UBE4B: variants seen among roughly 807,000 people sequenced by gnomAD.
The protein encoded by UBE4B is ubiquitination factor E4B.
In UBE4B, 27 loss-of-function variants were observed where a neutral mutation model predicts 148.1. That is an observed-to-expected ratio of 0.18 (90% CI 0.13 to 0.25). The LOEUF (loss-of-function observed/expected upper bound fraction) is 0.25, where lower values mean the gene tolerates loss of function less well. UBE4B is among the 10% of genes least tolerant of loss of function. UBE4B has a pLI of 1.00. For synonymous variants in UBE4B, 596 were observed against 619.3 expected (o/e 0.96, Z 0.56); for missense variants, 1,170 against 1,662.4 (o/e 0.70, Z 5.15).
At chr1:10,037,727 G>A (rs967284770) in intron 1 of UBE4B, among the ~76,000 whole-genome samples, 5 of 151,350 alleles carry the variant, frequency 3.3e-5, no homozygotes, top group Admixed American at 3.3e-4. Flanking sequence ...GCCAATTTTT[G>A]TATTTTTTTC....
At chr1:10,173,522 C>A (rs1305965856) in intron 25 of UBE4B, among the ~76,000 whole-genome samples, 5 of 151,394 alleles carry the variant, frequency 3.3e-5, no homozygotes, top group Admixed American at 6.6e-5. Flanking sequence ...CACACACACA[C>A]AAACACTGCT....
intron 8 of UBE4B, among the ~76,000 whole-genome samples, chr1:10,119,102 C>T (rs1021292050): frequency 3.3e-5 from 5 of 151,162 alleles, no homozygotes; most frequent in East Asian, 3.9e-4. Flanking sequence ...AGGATGGCGT[C>T]GATCTCCTGA....
chr1:10,115,659 C>T (rs771315211), intron 7 of UBE4B, among the ~76,000 whole-genome samples: 6 of 152,126 alleles, frequency 3.9e-5, no homozygotes, highest in East Asian at 3.9e-4. Context: ...TGTCCTTTAA[C>T]GAGAGGGATA....
rs115095456 is a variant in UBE4B, at chr1:10,064,623, G to A, written c.25-7405G>A. Among the ~76,000 whole-genome samples the A allele has an allele frequency of 9.9e-3, 1,507 of 152,086 alleles. 27 individuals are homozygous for A. Among genetic ancestry groups the A allele is most frequent in the African/African-American group, 0.034 (1,411 of 41,464 alleles). On this transcript the variant is annotated intron_variant, in intron 1 of 27. Transcript: ENST00000343090. ...CTTCAGTTCCACTCTCTATCACCTC[G>A]TCTCTTTGTCACTTCCTTTTCCTCT... is the stretch of plus-strand genomic sequence containing the variant.
intron 17 of UBE4B, among the ~76,000 whole-genome samples, chr1:10,143,982 T>G (rs1225877497): frequency 6.6e-6 from 1 of 152,216 alleles, no homozygotes; most frequent in Non-Finnish European, 1.5e-5. Context: ...ACAGAAATGC[T>G]GGCAGGAGGG....
intron 5 of UBE4B, among the ~76,000 whole-genome samples, chr1:10,104,017 C>T (rs1645065981): frequency 6.6e-6 from 1 of 152,000 alleles, no homozygotes; most frequent in African/African-American, 2.4e-5. Context: ...GCCTCGGCCT[C>T]CCAAAGTGCT....
chr1:10,049,278 G>T (rs909958327), intron 1 of UBE4B, among the ~76,000 whole-genome samples: 1 of 152,174 alleles, frequency 6.6e-6, no homozygotes, highest in Non-Finnish European at 1.5e-5. Context: ...TACCTTCAGT[G>T]ACCTCAGGCT....
At chr1:10,119,462 G>A (rs756858013) in intron 8 of UBE4B, 51 bp from the exon 9 acceptor site, 20 of 1,574,524 alleles carry the variant, frequency 1.3e-5, no homozygotes, top group Non-Finnish European at 1.7e-5. Flanking sequence ...TAACAGCATG[G>A]AATTGTATTG....
chr1:10,131,826 G>A (rs1339031959), intron 14 of UBE4B, among the ~76,000 whole-genome samples: 3 of 152,130 alleles, frequency 2.0e-5, no homozygotes, highest in South Asian at 2.1e-4. Context: ...GGTGGCGGGT[G>A]CCTGTAATCC....
At position 10,151,581 on chromosome 1, in the gene UBE4B, T is replaced by C. The variant is rs1645976028; in HGVS notation, c.2926+20T>C. 1 of 1,604,280 alleles carries C rather than the reference T, an allele frequency of 6.2e-7. No homozygotes were observed. Among genetic ancestry groups the C allele is most frequent in the South Asian group, 1.1e-5 (1 of 90,208 alleles). On this transcript the variant is annotated intron_variant, in intron 21 of 27. Transcript: ENST00000343090. Reference sequence around the variant, plus strand: ...ATACAGGTAGGTTGCTGGAACACAGTGTAGCACATGGCAGGCCAACTTAGG... The same window carrying C: ...ATACAGGTAGGTTGCTGGAACACAGCGTAGCACATGGCAGGCCAACTTAGG...
intron 1 of UBE4B, among the ~76,000 whole-genome samples, chr1:10,034,987 G>A (rs1643447669): frequency 6.8e-6 from 1 of 147,822 alleles, no homozygotes; most frequent in African/African-American, 2.4e-5. Context: ...TTTATTTTAT[G>A]TGGGTTTTTT....
chr1:10,085,389 A>G (rs923251337), intron 2 of UBE4B, among the ~76,000 whole-genome samples: 2 of 152,204 alleles, frequency 1.3e-5, no homozygotes, highest in Non-Finnish European at 2.9e-5. Context: ...ATCAAGTGAC[A>G]TCTTCCCGAG....
At chr1:10,126,302 TATAGATAGATAGATAG>T (rs71583842) in intron 10 of UBE4B, among the ~76,000 whole-genome samples, 138 of 147,374 alleles carry the variant, frequency 9.4e-4, no homozygotes, top group East Asian at 2.4e-3. Context: ...TCCGTCTCAA[TATAGATAGATAGATAG>T]ATAGATAGAT....
intron 6 of UBE4B, among the ~76,000 whole-genome samples, chr1:10,105,972 G>A (rs41280794): frequency 2.7e-3 from 407 of 152,186 alleles, no homozygotes; most frequent in Non-Finnish European, 4.2e-3. Flanking sequence ...GAAGCAGTTG[G>A]CTGTGTATAC....
At chr1:10,096,408 C>T (rs990437149) in intron 3 of UBE4B, among the ~76,000 whole-genome samples, 2 of 152,008 alleles carry the variant, frequency 1.3e-5, no homozygotes, top group Non-Finnish European at 2.9e-5. Context: ...GCAGTGGCCT[C>T]GGTTTGTGTC....
At chr1:10,094,167 G>C (rs1056961634) in intron 2 of UBE4B, among the ~76,000 whole-genome samples, 1 of 152,080 alleles carries the variant, frequency 6.6e-6, no homozygotes, top group Non-Finnish European at 1.5e-5. Context: ...GACATTGATG[G>C]GAAATTGCTG....
intron 14 of UBE4B, 103 bp from the exon 15 acceptor site, chr1:10,132,266 A>C (rs1645609064): frequency 2.7e-6 from 2 of 737,430 alleles, no homozygotes; most frequent in Non-Finnish European, 4.5e-6. Context: ...TAGAAGTGGG[A>C]GAGGAGAGAA....
chr1:10,110,374 A>C (rs1211263753), intron 7 of UBE4B, among the ~76,000 whole-genome samples: 2 of 152,216 alleles, frequency 1.3e-5, no homozygotes, highest in African/African-American at 4.8e-5. Flanking sequence ...GAGTGGCATA[A>C]ATGAGTGAAG....
chr1:10,043,160 C>T (rs1366843836), intron 1 of UBE4B, among the ~76,000 whole-genome samples: 1 of 151,772 alleles, frequency 6.6e-6, no homozygotes, highest in Non-Finnish European at 1.5e-5. Context: ...CAGGCATGCA[C>T]CACCATGCCC....
Sources: gnomAD v4.1 joint callset for allele counts (sites outside exome capture counted in the v4.1 genomes callset) on GRCh38, gnomAD v4.1.1 for gene constraint, MANE v1.5 for transcripts, NCBI Gene and HGNC (gene_info 2026-07-23, HGNC 2026-07-21) for gene names.